MOV10L1: variants seen among roughly 807,000 people sequenced by gnomAD.
The protein encoded by MOV10L1 is RNA helicase Mov10l1.
A neutral mutation model predicts 143.8 loss-of-function variants in MOV10L1; 110 were observed. That is an observed-to-expected ratio of 0.76 (90% CI 0.66 to 0.90). MOV10L1 has a LOEUF of 0.90. MOV10L1 is among the 40% of genes least tolerant of loss of function. The pLI is 0.00. For missense variants in MOV10L1, 1,406 were observed against 1,526.8 expected (o/e 0.92, Z 1.32); for synonymous variants, 593 against 581.1 (o/e 1.02, Z -0.29).
chr22:50,107,617 C>G (rs1664861691), intron 3 of MOV10L1, among the ~76,000 whole-genome samples: 1 of 152,232 alleles, frequency 6.6e-6, no homozygotes, highest in African/African-American at 2.4e-5. Flanking sequence ...CTTCATGTCA[C>G]TGAACCTGCA....
At chr22:50,153,018 T>C in intron 21 of MOV10L1, 27 bp from the exon 22 acceptor site, 2 of 1,559,244 alleles carry the variant, frequency 1.3e-6, no homozygotes, top group South Asian at 2.3e-5. Flanking sequence ...CACCTTCCCC[T>C]TGTGACCCAT....
At chr22:50,145,519 A>G (rs2063128889) in intron 18 of MOV10L1, among the ~76,000 whole-genome samples, 170 bp from the exon 19 acceptor site, 1 of 152,236 alleles carries the variant, frequency 6.6e-6, no homozygotes. Flanking sequence ...GTGGCTCTAG[A>G]GTTGATAAAA....
chr22:50,122,257 A>G (rs1233320076), intron 10 of MOV10L1, among the ~76,000 whole-genome samples: 3 of 152,178 alleles, frequency 2.0e-5, no homozygotes, highest in Admixed American at 6.5e-5. Context: ...TTCTCTGTAT[A>G]TGTTTTTCAC....
intron 15 of MOV10L1, 122 bp downstream of exon 15, chr22:50,134,752 C>A: frequency 1.3e-6 from 1 of 789,918 alleles, no homozygotes; most frequent in Non-Finnish European, 2.1e-6. Flanking sequence ...AGCGATGTAA[C>A]TGTCTACACA....
At chr22:50,127,377 A>C (rs540194268) in intron 12 of MOV10L1, among the ~76,000 whole-genome samples, 1 of 152,282 alleles carries the variant, frequency 6.6e-6, no homozygotes, top group South Asian at 2.1e-4. Flanking sequence ...TCATCTTTTC[A>C]GGCTTTCTTG....
intron 5 of MOV10L1, among the ~76,000 whole-genome samples, chr22:50,111,981 C>T (rs1359777322): frequency 6.6e-6 from 1 of 152,184 alleles, no homozygotes; most frequent in East Asian, 1.9e-4. Flanking sequence ...GACAGACAGC[C>T]CTGTGTGAAC....
intron 3 of MOV10L1, among the ~76,000 whole-genome samples, chr22:50,100,307 A>T (rs2062706686): frequency 6.6e-6 from 1 of 151,178 alleles, no homozygotes; most frequent in Non-Finnish European, 1.5e-5. Context: ...CACTGTTTAA[A>T]CTTGTGCTTT....
intron 18 of MOV10L1, among the ~76,000 whole-genome samples, chr22:50,144,447 C>T (rs1027662735): frequency 7.4e-6 from 1 of 135,610 alleles, no homozygotes; most frequent in South Asian, 2.6e-4. Context: ...CACATTCTCA[C>T]TCTGTGTGAG....
At position 50,161,180 on chromosome 22, in the gene MOV10L1, C is replaced by T. The variant is rs2295224; in HGVS notation, c.3554+125C>T. On this transcript the variant is annotated intron_variant, in intron 26 of 26. Coordinates refer to ENST00000262794, the MANE Select transcript of MOV10L1 (RefSeq NM_018995.3). ...GCAGCCTTAGCCCTCTGCCGGCCAC[C>T]GTCCTCACCTCATCCTGGGCTGCAG... 64 of 1,111,146 alleles carry T rather than the reference C, an allele frequency of 5.8e-5. No homozygotes were observed. The East Asian group carries it at 9.7e-4, about 17-fold the overall frequency. 68.8% of individuals were successfully genotyped at this position (1,111,146 alleles called of 1,614,324 possible). A position where few individuals can be genotyped will look rare whatever the true frequency, so the allele number is the denominator to read the frequency against.
At position 50,161,566 on chromosome 22, in the gene MOV10L1, G is replaced by A. The variant is rs901534718; in HGVS notation, c.*117G>A. 1.9e-6 allele frequency: 2 copies of A among 1,053,860 alleles called. No individual in the cohort carries two copies. The highest frequency in any genetic ancestry group is 2.7e-6 in the Non-Finnish European group (2 of 738,524). The allele number at this position is 1,053,860 out of a possible 1,614,324, so 65.3% of individuals were successfully genotyped here. A position where few individuals can be genotyped will look rare whatever the true frequency, so the allele number is the denominator to read the frequency against. On this transcript the variant is annotated 3_prime_UTR_variant, in exon 27 of 27. Transcript: ENST00000262794. Reference sequence around the variant, plus strand: ...CTCGCAGCCAGGCAGGGTCGTGTGTGGGTGTGGGGCTGCCAGGTTGGACGC... The same window carrying A: ...CTCGCAGCCAGGCAGGGTCGTGTGTAGGTGTGGGGCTGCCAGGTTGGACGC...
intron 10 of MOV10L1, among the ~76,000 whole-genome samples, chr22:50,123,241 A>G (rs1412852515): frequency 6.7e-6 from 1 of 150,270 alleles, no homozygotes; most frequent in Non-Finnish European, 1.5e-5. Flanking sequence ...TTCTGTATTG[A>G]GATGATCATA....
intron 15 of MOV10L1, among the ~76,000 whole-genome samples, chr22:50,135,168 C>T (rs2062788961): frequency 6.6e-6 from 1 of 151,946 alleles, no homozygotes; most frequent in Non-Finnish European, 1.5e-5. Context: ...CATGTGCCAT[C>T]ACACCCAGCT....
chr22:50,146,597 C>T (rs889109645), intron 19 of MOV10L1, among the ~76,000 whole-genome samples: 7 of 152,042 alleles, frequency 4.6e-5, no homozygotes, highest in African/African-American at 1.7e-4. Context: ...CCCTCCCTGA[C>T]GGCCTGGAGA....
At chr22:50,148,824 C>T (rs944009043) in intron 19 of MOV10L1, among the ~76,000 whole-genome samples, 2 of 152,230 alleles carry the variant, frequency 1.3e-5, no homozygotes, top group African/African-American at 2.4e-5. Context: ...CCACCACACC[C>T]GGCTAATTTT....
chr22:50,126,986 G>C (rs1380591677), intron 12 of MOV10L1, among the ~76,000 whole-genome samples: 4 of 152,096 alleles, frequency 2.6e-5, no homozygotes, highest in African/African-American at 9.7e-5. Context: ...TCACAGAGTG[G>C]GATATTTCCC....
At chr22:50,136,987 C>T (rs1265620025) in intron 15 of MOV10L1, among the ~76,000 whole-genome samples, 5 of 152,278 alleles carry the variant, frequency 3.3e-5, no homozygotes, top group Non-Finnish European at 5.9e-5. Context: ...GAAGGCTGCT[C>T]CGGCCCAGAC....
At chr22:50,121,346 C>G (rs2062337063) in intron 10 of MOV10L1, among the ~76,000 whole-genome samples, 1 of 152,182 alleles carries the variant, frequency 6.6e-6, no homozygotes, top group Non-Finnish European at 1.5e-5. Flanking sequence ...AGGAGGACAG[C>G]TGATGCCCCA....
chr22:50,125,470 A>G lies in MOV10L1; in HGVS notation c.1648A>G (p.Lys550Glu). The G allele has an allele frequency of 6.2e-7, 1 of 1,614,192 alleles. No individual in the cohort carries two copies. Among genetic ancestry groups the G allele is most frequent in the Non-Finnish European group, 8.5e-7 (1 of 1,180,026 alleles). ...GGAGATTTATGCAGAAATGGAACTG[A>G]AAGAGTATAACATGAGCGGGATCAT... is the stretch of plus-strand genomic sequence containing the variant. ...LEEIYAEMEL[K>E]EYNMSGIILR... The change falls in exon 11 of 27, where the codon AAA becomes GAA. Residue 550 changes from lysine (K) to glutamate (E), a missense_variant. This residue lies in a region of MOV10L1 where 1,233 missense variants were observed against 1,351.4 expected (regional missense o/e 0.91). Coordinates refer to ENST00000262794, the MANE Select transcript of MOV10L1 (RefSeq NM_018995.3).
chr22:50,098,371 C>T (rs2062651354), intron 2 of MOV10L1, among the ~76,000 whole-genome samples: 1 of 151,336 alleles, frequency 6.6e-6, no homozygotes, highest in Admixed American at 6.6e-5. Context: ...GGTTGTCTTG[C>T]TGTTTATTGA....
Sources: allele counts gnomAD v4.1 joint callset (sites outside exome capture counted in the v4.1 genomes callset), GRCh38; gene constraint gnomAD v4.1.1; regional missense constraint gnomAD v4.1.1; transcripts MANE v1.5; gene names NCBI Gene and HGNC (gene_info 2026-07-23, HGNC 2026-07-21).